C21orf91: variants seen among roughly 807,000 people sequenced by gnomAD.
C21orf91 encodes chromosome 21 open reading frame 91.
C21orf91 carries 26 observed loss-of-function variants against 32.9 expected under a neutral mutation model. The observed-to-expected ratio is 0.79, with a 90% CI of 0.58 to 1.10. The LOEUF (loss-of-function observed/expected upper bound fraction) is 1.10, where lower values mean the gene tolerates loss of function less well. Among genes scored for constraint, C21orf91 ranks in the 50% least tolerant of loss-of-function variants. C21orf91 has a pLI of 0.00. For synonymous variants in C21orf91, 126 were observed against 120.4 expected (o/e 1.05, Z -0.31); for missense variants, 310 against 341.3 (o/e 0.91, Z 0.72).
At chr21:17,800,151 CAAG>C (rs2062549115) in intron 2 of C21orf91, among the ~76,000 whole-genome samples, 2 of 152,094 alleles carry the variant, frequency 1.3e-5, no homozygotes, top group South Asian at 2.1e-4. Flanking sequence ...AGAAAATATA[CAAG>C]AAGATGGTTT....
intron 2 of C21orf91, among the ~76,000 whole-genome samples, chr21:17,810,344 A>C (rs1362919482): frequency 6.6e-6 from 1 of 152,200 alleles, no homozygotes; most frequent in Non-Finnish European, 1.5e-5. Context: ...TTAAGTTTTA[A>C]TTTTGAACTG....
At chr21:17,813,765 C>T (rs539116458) in intron 2 of C21orf91, 11 of 152,330 alleles carry the variant, frequency 7.2e-5, no homozygotes, top group African/African-American at 2.6e-4. Flanking sequence ...CTTTGAGCAT[C>T]ATGTAGGTGT....
chr21:17,805,305 G>A (rs1046545079), intron 2 of C21orf91, among the ~76,000 whole-genome samples: 2 of 152,162 alleles, frequency 1.3e-5, no homozygotes, highest in South Asian at 2.1e-4. Flanking sequence ...TTTTAAAACC[G>A]TAATGACTGA....
chr21:17,793,479 G>A lies in C21orf91; in HGVS notation c.830C>T (p.Ser277Phe), dbSNP rs776282923. ...CCCTACTTGCAGACATGGTAACTTAGAACAGTTCTTCAGAAGCTGTTCGAT... is the reference window on the plus strand; with the variant it reads ...CCCTACTTGCAGACATGGTAACTTAAAACAGTTCTTCAGAAGCTGTTCGAT... ...VAIEQLLKNCSKLPCLQVGRT... is the reference protein window; with the variant it reads ...VAIEQLLKNCFKLPCLQVGRT... Residue 277 changes from serine to phenylalanine, a missense_variant, in exon 5 of 5, where the codon TCT (serine) becomes TTT (phenylalanine). Ser to Phe is a radical substitution (Grantham distance 155, BLOSUM62 -2). Transcript: ENST00000284881. 5.6e-6 allele frequency: 9 copies of A among 1,613,460 alleles called. No individual in the cohort carries two copies. Among genetic ancestry groups the A allele is most frequent in the Non-Finnish European group, 7.6e-6 (9 of 1,179,704 alleles).
At chr21:17,816,977 T>C (rs1228661879) in intron 2 of C21orf91, among the ~76,000 whole-genome samples, 3 of 152,198 alleles carry the variant, frequency 2.0e-5, no homozygotes, top group African/African-American at 7.2e-5. Context: ...TTTTAAGATA[T>C]CCTTTTATTT....
intron 2 of C21orf91, among the ~76,000 whole-genome samples, chr21:17,812,682 G>A (rs1222774503): frequency 1.3e-5 from 2 of 152,062 alleles, no homozygotes; most frequent in East Asian, 1.9e-4. Context: ...GGTGGTGGGC[G>A]CCTGTAGTCC....
intron 2 of C21orf91, among the ~76,000 whole-genome samples, chr21:17,803,615 T>C (rs1455549366): frequency 6.6e-6 from 1 of 152,210 alleles, no homozygotes; most frequent in African/African-American, 2.4e-5. Flanking sequence ...GATGATCTTA[T>C]CTTGGATGCT....
chr21:17,812,884 C>T (rs1176384219), intron 2 of C21orf91, among the ~76,000 whole-genome samples: 1 of 152,182 alleles, frequency 6.6e-6, no homozygotes, highest in African/African-American at 2.4e-5. Flanking sequence ...TCTTGACTTC[C>T]TGCCTTCTGC....
In C21orf91 at chr21:17,814,953, A is replaced by G. The variant is rs565851940; in HGVS notation, c.127+3239T>C. On this transcript the variant is annotated intron_variant, in intron 2 of 4. Coordinates refer to ENST00000284881, the MANE Select transcript of C21orf91 (RefSeq NM_001100420.2). ...AGTGTGTTTCTCAGGTCCTTAAAGC[A>G]TATCACCTGTGGCTTGGAAGTACAT... is the stretch of plus-strand genomic sequence containing the variant. Among the ~76,000 whole-genome samples the G allele has an allele frequency of 1.7e-4, 26 of 152,334 alleles. 1 individual carries two copies. The South Asian group carries it at 4.8e-3, about 28-fold the overall frequency.
intron 3 of C21orf91, 139 bp downstream of exon 3, chr21:17,796,443 T>G (rs1367244698): frequency 2.3e-5 from 15 of 651,410 alleles, no homozygotes; most frequent in Non-Finnish European, 3.4e-5. Context: ...TGTCTCATTT[T>G]TGCTAAGGTG....
chr21:17,795,209 C>A lies in C21orf91; in HGVS notation c.726G>T (p.Gln242His), dbSNP rs371780633. The A allele has an allele frequency of 6.2e-7, 1 of 1,604,992 alleles. No homozygotes were observed. Among genetic ancestry groups the A allele is most frequent in the Non-Finnish European group, 8.5e-7 (1 of 1,171,980 alleles). Reference sequence around the variant, plus strand: ...AAAAGTACTGACAGTGATTCTTACCCTGGATTTGCTGTAGGAGCTTTGCAT... The same window carrying A: ...AAAAGTACTGACAGTGATTCTTACCATGGATTTGCTGTAGGAGCTTTGCAT... ...QLNAKLLQQI[Q>H]EVFEELTHQV... Residue 242 changes from glutamine to histidine, a missense_variant and splice_region_variant, in exon 4 of 5, where the codon CAG becomes CAT. Physicochemically the swap from Gln to His is conservative, Grantham distance 24. Transcript: ENST00000284881.
At chr21:17,810,903 C>A (rs2146260655) in intron 2 of C21orf91, 1 of 152,290 alleles carries the variant, frequency 6.6e-6, no homozygotes, top group South Asian at 2.1e-4. Context: ...AATTGCATCA[C>A]CCCACTCTCT....
rs1244186265 is a variant in C21orf91 at position 17,789,154 on chromosome 21, T to A, written c.*4261A>T. ...TTTTACCACAGCAGTTTCATTTTCTTTTTCCAAAAGTCTTAACACAATTTT... is the reference window on the plus strand; with the variant it reads ...TTTTACCACAGCAGTTTCATTTTCTATTTCCAAAAGTCTTAACACAATTTT... On this transcript the variant is annotated 3_prime_UTR_variant, in exon 5 of 5. Transcript: ENST00000284881. The A allele has an allele frequency of 6.7e-6, 1 of 149,468 alleles. No homozygotes were observed. Among genetic ancestry groups the A allele is most frequent in the Non-Finnish European group, 1.5e-5 (1 of 67,656 alleles). 9.3% of individuals were successfully genotyped at this position (149,468 alleles called of 1,614,324 possible). A position where few individuals can be genotyped will look rare whatever the true frequency, so the allele number is the denominator to read the frequency against.
intron 4 of C21orf91, among the ~76,000 whole-genome samples, chr21:17,794,183 GTGTGGT>G (rs1384411431): frequency 2.0e-5 from 3 of 152,194 alleles, no homozygotes; most frequent in African/African-American, 7.2e-5. Context: ...CTGAGAGGCT[GTGTGGT>G]TAAGCTTTGG....
chr21:17,801,492 G>T (rs544882053), intron 2 of C21orf91, among the ~76,000 whole-genome samples: 1 of 151,970 alleles, frequency 6.6e-6, no homozygotes, highest in Non-Finnish European at 1.5e-5. Context: ...GGATGGTCTC[G>T]ATCTCCTGAC....
intron 2 of C21orf91, chr21:17,817,919 A>G (rs149494643): frequency 1.3e-4 from 35 of 262,862 alleles, no homozygotes; most frequent in African/African-American, 7.0e-4. Context: ...TCAAACCAGA[A>G]AACACGTTTC....
chr21:17,801,571 G>A (rs565049048), intron 2 of C21orf91, among the ~76,000 whole-genome samples: 6 of 151,740 alleles, frequency 4.0e-5, no homozygotes, highest in South Asian at 4.2e-4. Flanking sequence ...TGCCCGGCCC[G>A]TATGTTCTTA....
rs141507992 is a variant in C21orf91 at position 17,818,304 on chromosome 21, C to G, written c.15G>C (p.Glu5Asp). MNEE[E>D]QFVNIDLNDD... ...CATTCAAATCAATGTTTACAAACTG[C>G]TCCTCTTCGTTCATAGTGCCCCTAT... The change falls in exon 2 of 5, where the codon GAG (glutamate) becomes GAC (aspartate). Residue 5 changes from glutamate (E) to aspartate (D), a missense_variant. Glu to Asp is a conservative substitution (Grantham distance 45, BLOSUM62 2). Coordinates refer to ENST00000284881, the MANE Select transcript of C21orf91 (RefSeq NM_001100420.2). The G allele has an allele frequency of 2.0e-5, 33 of 1,611,528 alleles. No homozygotes were observed. The African/African-American group carries it at 4.4e-4, about 22-fold the overall frequency.
At chr21:17,818,108 G>A in intron 2 of C21orf91, 84 bp downstream of exon 2, 2 of 897,624 alleles carry the variant, frequency 2.2e-6, no homozygotes, top group East Asian at 2.6e-5. Context: ...AATCATTGAA[G>A]ACATTTTAGT....
Sources: gnomAD v4.1 joint callset for allele counts (sites outside exome capture counted in the v4.1 genomes callset) on GRCh38, gnomAD v4.1.1 for gene constraint, MANE v1.5 for transcripts, NCBI Gene and HGNC (gene_info 2026-07-23, HGNC 2026-07-21) for gene names.